TALDO1: variants seen among roughly 807,000 people sequenced by gnomAD.
The protein encoded by TALDO1 is transaldolase.
TALDO1 carries 29 observed loss-of-function variants against 38.1 expected under a neutral mutation model. The observed-to-expected ratio is 0.76, with a 90% CI of 0.57 to 1.04. The LOEUF (loss-of-function observed/expected upper bound fraction) is 1.04. TALDO1 is among the 50% of genes least tolerant of loss of function. The pLI is 0.00. For missense variants in TALDO1, 499 were observed against 438.1 expected (o/e 1.14, Z -1.24); for synonymous variants, 207 against 176.8 (o/e 1.17, Z -1.36).
chr11:760,260 G>A lies in TALDO1; in HGVS notation c.461+7G>A, dbSNP rs369881353. On this transcript the variant is annotated splice_region_variant and intron_variant, in intron 4 of 7. Transcript: ENST00000319006. ...AAGGAATTCAGGCTGGAAAGTAAGT[G>A]GTCCCCCACAAGGAAGGAGCTCTCA... The A allele has an allele frequency of 2.5e-6, 4 of 1,613,740 alleles. No individual in the cohort carries two copies. The highest frequency in any genetic ancestry group is 8.5e-7 in the Non-Finnish European group (1 of 1,179,884).
In TALDO1 at chr11:754,175, G is replaced by C. The variant is rs555719383; in HGVS notation, c.98-1704G>C. Among the ~76,000 whole-genome samples, 3 of 152,028 alleles carry C rather than the reference G, an allele frequency of 2.0e-5. No individual in the cohort carries two copies. In the East Asian group the frequency reaches 5.9e-4, roughly 30 times the overall value. ...AATTTTTATATTTTTAGTAGGGACA[G>C]GGTTTCGCCGTGTTAGCCAGGCTGG... On this transcript the variant is annotated intron_variant, in intron 1 of 7. Transcript: ENST00000319006.
In TALDO1 at chr11:748,624, C is replaced by T. The variant is rs188641734; in HGVS notation, c.97+1046C>T. 6.6e-5 allele frequency among the ~76,000 whole-genome samples: 10 copies of T among 152,278 alleles called. No homozygotes were observed. In the East Asian group the frequency reaches 1.7e-3, roughly 26 times the overall value. Reference sequence around the variant, plus strand: ...GTGACTTGAGAAACAGGCTTTAATTCCTCTTTGGTAACTGAGTAAGGGCAT... The same window carrying T: ...GTGACTTGAGAAACAGGCTTTAATTTCTCTTTGGTAACTGAGTAAGGGCAT... On this transcript the variant is annotated intron_variant, in intron 1 of 7. Transcript: ENST00000319006.
chr11:750,891 T>C (rs901162544), intron 1 of TALDO1, among the ~76,000 whole-genome samples: 2 of 152,052 alleles, frequency 1.3e-5, no homozygotes, highest in Non-Finnish European at 2.9e-5. Flanking sequence ...TGGGTGTCAA[T>C]GGCCATAACT....
chr11:763,571 T>C, intron 5 of TALDO1, 52 bp downstream of exon 5: 3 of 1,608,638 alleles, frequency 1.9e-6, no homozygotes, highest in Non-Finnish European at 2.6e-6. Context: ...CAGCAGCACC[T>C]CAGGCAGGAA....
At chr11:764,553 C>A in intron 7 of TALDO1, 120 bp downstream of exon 7, 1 of 1,506,058 alleles carries the variant, frequency 6.6e-7, no homozygotes, top group Non-Finnish European at 9.0e-7. Flanking sequence ...CATTCACGTG[C>A]TGTCCAGCAA....
chr11:764,292 A>G lies in TALDO1; in HGVS notation c.840A>G (p.Gln280=). The stretch of plus-strand genomic sequence containing the variant: ...AGGCTGGTTCTTGTCCCCCAGCCCA[A>G]GCCAGTGACCTGGAAAAAATCCACC... ...LVPVLSAKAA[Q]ASDLEKIHLD... is the part of the protein sequence containing the mutation. The change falls in exon 7 of 8, where the codon CAA becomes CAG. Residue 280 remains glutamine, a synonymous_variant. Transcript: ENST00000319006. 6.2e-7 allele frequency: 1 copy of G among 1,614,204 alleles called. No homozygotes were observed. The highest frequency in any genetic ancestry group is 8.5e-7 in the Non-Finnish European group (1 of 1,180,042).
At chr11:757,044 G>T (rs895328068) in intron 2 of TALDO1, among the ~76,000 whole-genome samples, 30 of 152,204 alleles carry the variant, frequency 2.0e-4, no homozygotes, top group Non-Finnish European at 3.5e-4. Flanking sequence ...TCCCTCTCTG[G>T]TACTGGCTTT....
intron 2 of TALDO1, 127 bp from the exon 3 acceptor site, chr11:758,823 T>G (rs1412356524): frequency 6.2e-6 from 4 of 645,956 alleles, no homozygotes; most frequent in African/African-American, 1.8e-5. Flanking sequence ...GCCAGGATGG[T>G]CTTGATCTCC....
At chr11:754,130 A>G (rs1346286573) in intron 1 of TALDO1, among the ~76,000 whole-genome samples, 1 of 151,796 alleles carries the variant, frequency 6.6e-6, no homozygotes, top group Non-Finnish European at 1.5e-5. Flanking sequence ...GATTATAGGC[A>G]TGCACCACCA....
rs1167525254 is a variant in TALDO1, at chr11:760,164, G to C, written c.372G>C (p.Arg124=). 6.2e-7 allele frequency: 1 copy of C among 1,614,060 alleles called. No individual in the cohort carries two copies. Among genetic ancestry groups the C allele is most frequent in the Non-Finnish European group, 8.5e-7 (1 of 1,180,024 alleles). The change falls in exon 4 of 8, where the codon CGG becomes CGC. Residue 124 remains arginine (R), a synonymous_variant. Transcript: ENST00000319006. ...ATGCGATGGTGGCCAGAGCCAGGCG[G>C]CTCATCGAGCTCTACAAGGAAGCTG... is the stretch of plus-strand genomic sequence containing the variant. ...DKDAMVARAR[R]LIELYKEAGI...
intron 1 of TALDO1, among the ~76,000 whole-genome samples, chr11:750,591 G>A (rs1159299157): frequency 6.6e-6 from 1 of 152,102 alleles, no homozygotes; most frequent in East Asian, 1.9e-4. Context: ...TTGGGAGGCC[G>A]AGGCAGGCCG....
intron 1 of TALDO1, 136 bp downstream of exon 1, chr11:747,714 C>T: frequency 4.0e-6 from 3 of 745,118 alleles, no homozygotes; most frequent in East Asian, 3.1e-5. Context: ...GAGGAATGAG[C>T]GCAGGTGCCG....
chr11:759,294 C>G (rs1382981748), intron 3 of TALDO1, among the ~76,000 whole-genome samples: 1 of 152,146 alleles, frequency 6.6e-6, no homozygotes. Flanking sequence ...TGGAGTCTCG[C>G]ACTGTCACCC....
chr11:761,925 T>C (rs894828318), intron 4 of TALDO1, among the ~76,000 whole-genome samples: 6 of 149,870 alleles, frequency 4.0e-5, no homozygotes, highest in Non-Finnish European at 5.9e-5. Flanking sequence ...GTGCTGGGAT[T>C]ATAGGCATGA....
intron 1 of TALDO1, among the ~76,000 whole-genome samples, chr11:755,431 G>A (rs1339911105): frequency 1.3e-5 from 2 of 152,148 alleles, no homozygotes; most frequent in East Asian, 1.9e-4. Flanking sequence ...GGCGTGGGCC[G>A]CCGCGCCCAG....
chr11:763,835 C>A lies in TALDO1; in HGVS notation c.726C>A (p.Gly242=). Residue 242 remains glycine, a synonymous_variant, in exon 6 of 8, where the codon GGC becomes GGA. Coordinates refer to ENST00000319006, the MANE Select transcript of TALDO1 (RefSeq NM_006755.2). ...TGGGCGCCTCCTTCCGCAACACGGGCGAGATCAAAGCACTGGCCGGCTGTG... is the reference window on the plus strand; with the variant it reads ...TGGGCGCCTCCTTCCGCAACACGGGAGAGATCAAAGCACTGGCCGGCTGTG... ...IVMGASFRNT[G]EIKALAGCDF... is the part of the protein sequence containing the mutation. 3 of 1,614,032 alleles carry A rather than the reference C, an allele frequency of 1.9e-6. No homozygotes were observed. The South Asian group carries it at 3.3e-5, about 18-fold the overall frequency.
chr11:758,165 T>G (rs1003597809), intron 2 of TALDO1, among the ~76,000 whole-genome samples: 2 of 152,114 alleles, frequency 1.3e-5, no homozygotes, highest in African/African-American at 2.4e-5. Flanking sequence ...GCGCCTGTAG[T>G]CCCAGCTACT....
rs1862887902 is a variant in TALDO1, at chr11:758,933, T to C, written c.222-17T>C. Reference sequence around the variant, plus strand: ...CTCAGAAGCTTCTAACCTGCTTTTTTTCCCTTTGAATTTCAGGTCACAAGA... The same window carrying C: ...CTCAGAAGCTTCTAACCTGCTTTTTCTCCCTTTGAATTTCAGGTCACAAGA... On this transcript the variant is annotated splice_polypyrimidine_tract_variant and intron_variant, in intron 2 of 7. Transcript: ENST00000319006. 2 of 1,604,710 alleles carry C rather than the reference T, an allele frequency of 1.2e-6. No individual in the cohort carries two copies. Among genetic ancestry groups the C allele is most frequent in the Non-Finnish European group, 1.7e-6 (2 of 1,173,638 alleles).
At chr11:762,486 T>C (rs556423738) in intron 4 of TALDO1, among the ~76,000 whole-genome samples, 1 of 152,276 alleles carries the variant, frequency 6.6e-6, no homozygotes, top group Admixed American at 6.5e-5. Context: ...AGTTTTGTCC[T>C]GGACATGTGT....
Sources: allele counts gnomAD v4.1 joint callset (sites outside exome capture counted in the v4.1 genomes callset), GRCh38; gene constraint gnomAD v4.1.1; transcripts MANE v1.5; gene names NCBI Gene and HGNC (gene_info 2026-07-23, HGNC 2026-07-21).